CTNNA3: variants seen among roughly 807,000 people sequenced by gnomAD.
CTNNA3 encodes the protein catenin alpha 3.
Under a neutral mutation model 95.7 loss-of-function variants are expected in CTNNA3, and 76 were observed. The ratio of observed to expected loss-of-function variants is 0.79; its 90% CI spans 0.66 to 0.96. The LOEUF (loss-of-function observed/expected upper bound fraction) is 0.96. Ranked by LOEUF, CTNNA3 falls within the 40% of genes least tolerant of loss-of-function variation. The pLI is 0.00. For synonymous variants in CTNNA3, 431 were observed against 374.4 expected (o/e 1.15, Z -1.74); for missense variants, 1,191 against 1,089.8 (o/e 1.09, Z -1.31).
chr10:67,726,845 G>A (rs111217794), intron 1 of CTNNA3, among the ~76,000 whole-genome samples: 1 of 109,280 alleles, frequency 9.2e-6, no homozygotes, highest in South Asian at 2.6e-4. Context: ...ATAATATATA[G>A]TATAATTATA....
chr10:66,259,362 T>C (rs1217096316), intron 13 of CTNNA3, among the ~76,000 whole-genome samples: 2 of 152,098 alleles, frequency 1.3e-5, no homozygotes, highest in Non-Finnish European at 2.9e-5. Context: ...TATTTTCTGT[T>C]TCTTGAGACT....
intron 5 of CTNNA3, among the ~76,000 whole-genome samples, chr10:67,458,223 T>C (rs1189209950): frequency 6.6e-6 from 1 of 152,088 alleles, no homozygotes; most frequent in African/African-American, 2.4e-5. Flanking sequence ...TCTTCTTGGA[T>C]GACCCAATTA....
chr10:66,789,246 G>T (rs895653901), intron 7 of CTNNA3, among the ~76,000 whole-genome samples: 1 of 151,728 alleles, frequency 6.6e-6, no homozygotes, highest in East Asian at 1.9e-4. Context: ...GTGCGATCTC[G>T]GCTCACTGCA....
intron 5 of CTNNA3, among the ~76,000 whole-genome samples, chr10:67,330,523 T>C (rs1280165927): frequency 1.3e-5 from 2 of 152,124 alleles, no homozygotes; most frequent in Non-Finnish European, 2.9e-5. Context: ...TTATATCAAT[T>C]TAGTCAAGAG....
At chr10:67,571,416 C>T (rs2133289779) in intron 3 of CTNNA3, among the ~76,000 whole-genome samples, 1 of 152,280 alleles carries the variant, frequency 6.6e-6, no homozygotes, top group South Asian at 2.1e-4. Context: ...AGTACAGCCT[C>T]AAACTGTGAT....
intron 7 of CTNNA3, among the ~76,000 whole-genome samples, chr10:67,033,253 T>A (rs1037494356): frequency 6.6e-6 from 1 of 152,162 alleles, no homozygotes; most frequent in African/African-American, 2.4e-5. Flanking sequence ...TGAGGCAAAG[T>A]GTTATGTGAG....
chr10:66,825,564 C>T (rs1487664476), intron 7 of CTNNA3, among the ~76,000 whole-genome samples: 2 of 152,094 alleles, frequency 1.3e-5, no homozygotes, highest in African/African-American at 4.8e-5. Context: ...AGGCATGAAC[C>T]ACCGCACCTA....
At chr10:67,582,593 A>C (rs1269737716) in intron 3 of CTNNA3, among the ~76,000 whole-genome samples, 2 of 152,060 alleles carry the variant, frequency 1.3e-5, no homozygotes, top group African/African-American at 2.4e-5. Context: ...TGCAGAGCTG[A>C]GTTCAATTCC....
intron 12 of CTNNA3, among the ~76,000 whole-genome samples, chr10:66,335,867 G>C (rs1216815664): frequency 6.6e-6 from 1 of 152,072 alleles, no homozygotes; most frequent in African/African-American, 2.4e-5. Context: ...TTGAGCTGTG[G>C]TGGGCTCCAC....
At chr10:67,577,600 GC>G (rs1251686550) in intron 3 of CTNNA3, among the ~76,000 whole-genome samples, 1 of 151,862 alleles carries the variant, frequency 6.6e-6, no homozygotes, top group Admixed American at 6.6e-5. Context: ...AAACACCCAT[GC>G]CTATGTCCTG....
chr10:67,612,089 A>G (rs1249795223), intron 2 of CTNNA3, among the ~76,000 whole-genome samples: 2 of 152,192 alleles, frequency 1.3e-5, no homozygotes, highest in African/African-American at 2.4e-5. Flanking sequence ...TGGATTAACA[A>G]AAGTACAGAG....
chr10:67,066,195 C>CTTTTTTTTTT lies in CTNNA3; in HGVS notation c.1047+114112_1047+114121dup, dbSNP rs71006118. Among the ~76,000 whole-genome samples the CTTTTTTTTTT allele has an allele frequency of 2.4e-5, 3 of 123,066 alleles. 1 individual carries two copies. The highest frequency in any genetic ancestry group is 3.2e-5 in the African/African-American group (1 of 30,916). 80.7% of individuals were successfully genotyped at this position (123,066 alleles called of 152,430 possible). A position where few individuals can be genotyped will look rare whatever the true frequency, so the allele number is the denominator to read the frequency against. The stretch of plus-strand genomic sequence containing the variant: ...CTGCTGTGCCCACTGAAGTCACTGG[C>CTTTTTTTTTT]TTTTTTTTTTTTTTTTTGAGACAGT... On this transcript the variant is annotated intron_variant, in intron 7 of 17. Transcript: ENST00000433211.
At chr10:65,964,459 G>C (rs2077916490) in intron 17 of CTNNA3, among the ~76,000 whole-genome samples, 1 of 152,020 alleles carries the variant, frequency 6.6e-6, no homozygotes, top group African/African-American at 2.4e-5. Flanking sequence ...ATTCTAAATA[G>C]CTCCTGCCTA....
At chr10:66,889,569 C>T (rs568331309) in intron 7 of CTNNA3, among the ~76,000 whole-genome samples, 9 of 152,012 alleles carry the variant, frequency 5.9e-5, no homozygotes, top group African/African-American at 1.4e-4. Context: ...AAAAGATGAC[C>T]GTGGCTCCTA....
chr10:65,968,932 G>A (rs914222632), intron 16 of CTNNA3, among the ~76,000 whole-genome samples: 5 of 152,186 alleles, frequency 3.3e-5, no homozygotes, highest in Admixed American at 1.3e-4. Flanking sequence ...TGCCAGTCTG[G>A]ACCTGCCCAT....
At chr10:66,307,996 T>C (rs2091955629) in intron 12 of CTNNA3, among the ~76,000 whole-genome samples, 1 of 152,208 alleles carries the variant, frequency 6.6e-6, no homozygotes, top group African/African-American at 2.4e-5. Context: ...GTTGCCATAC[T>C]GCCACCCTAA....
intron 6 of CTNNA3, among the ~76,000 whole-genome samples, chr10:67,182,197 G>C (rs934388962): frequency 2.0e-5 from 3 of 152,034 alleles, no homozygotes; most frequent in Non-Finnish European, 4.4e-5. Context: ...CTACTTTAAA[G>C]TTCATATGGA....
intron 7 of CTNNA3, among the ~76,000 whole-genome samples, chr10:67,137,396 G>A (rs558796640): frequency 1.6e-4 from 24 of 152,102 alleles, no homozygotes; most frequent in Non-Finnish European, 3.2e-4. Context: ...GTTAATTTTA[G>A]TAATCTTAAC....
At chr10:66,781,797 C>A (rs936431868) in intron 7 of CTNNA3, among the ~76,000 whole-genome samples, 1 of 152,146 alleles carries the variant, frequency 6.6e-6, no homozygotes, top group Non-Finnish European at 1.5e-5. Flanking sequence ...ATGTCTACCA[C>A]ATATAATAAG....
Sources: gnomAD v4.1 joint callset for allele counts (sites outside exome capture counted in the v4.1 genomes callset) on GRCh38, gnomAD v4.1.1 for gene constraint, MANE v1.5 for transcripts, NCBI Gene and HGNC (gene_info 2026-07-23, HGNC 2026-07-21) for gene names.